Variants in ZDBF2 observed in about 807,000 individuals in gnomAD.
ZDBF2 encodes DBF4-type zinc finger-containing protein 2.
In ZDBF2, 6 loss-of-function variants were observed where a neutral mutation model predicts 9.4. The ratio of observed to expected loss-of-function variants is 0.64; its 90% CI spans 0.35 to 1.27. The LOEUF is 1.27. Among genes scored for constraint, ZDBF2 ranks in the 50% most tolerant of loss-of-function variants. The pLI is 0.03. For missense variants in ZDBF2, 2,697 were observed against 2,766.8 expected, an observed-to-expected ratio of 0.97 and a Z score of 0.57; for synonymous variants, 905 against 946.3, an observed-to-expected ratio of 0.96 and a Z score of 0.80.
Position 206,308,319 on chromosome 2 carries a change from T to C in ZDBF2, c.3791T>C (p.Val1264Ala). Residue 1264 changes from valine to alanine, a missense_variant, in exon 5 of 5, where the codon GTC (valine) becomes GCC (alanine). By Grantham distance (64) the Val-to-Ala change is moderately conservative. Coordinates refer to ENST00000374423, the MANE Select transcript of ZDBF2 (RefSeq NM_020923.3). ...CAACCTGAAGAAGTAGTTAAGGAGG[T>C]CAGTCTTTGGAAAGAGCATGTTGAC... ...AGQPEEVVKE[V>A]SLWKEHVDLE... 1 of 1,613,798 alleles carries C rather than the reference T, an allele frequency of 6.2e-7. No individual in the cohort carries two copies.
intron 3 of ZDBF2, among the ~76,000 whole-genome samples, chr2:206,287,262 C>G (rs1415974660): frequency 6.6e-6 from 1 of 152,188 alleles, no homozygotes; most frequent in African/African-American, 2.4e-5. Flanking sequence ...TGAGCCTGGC[C>G]TAGCGGTGAT....
rs1354314430 is a variant in ZDBF2 at position 206,308,744 on chromosome 2, G to C, written c.4216G>C (p.Gly1406Arg). ...CCTGGAAGATAAGAGCTATAAATTA[G>C]GTGATTTTGATGTAAGTTATGCTTC... Reference protein sequence around the residue: ...IYLEDKSYKLGDFDVSYASHI... With the variant: ...IYLEDKSYKLRDFDVSYASHI... The change falls in exon 5 of 5, where the codon GGT (glycine) becomes CGT (arginine). Residue 1406 changes from glycine (G) to arginine (R), a missense_variant. This residue lies in a region of ZDBF2 where 1,783 missense variants were observed against 1,776.5 expected (regional missense o/e 1.00). Coordinates refer to ENST00000374423, the MANE Select transcript of ZDBF2 (RefSeq NM_020923.3). 2 of 1,613,290 alleles carry C rather than the reference G, an allele frequency of 1.2e-6. No individual in the cohort carries two copies. The highest frequency in any genetic ancestry group is 2.2e-5 in the East Asian group (1 of 44,880).
chr2:206,310,867 A>T lies in ZDBF2; in HGVS notation c.6339A>T (p.Arg2113Ser). 1 of 1,613,922 alleles carries T rather than the reference A, an allele frequency of 6.2e-7. No individual in the cohort carries two copies. Residue 2113 changes from arginine (R) to serine (S), a missense_variant, in exon 5 of 5, where the codon AGA becomes AGT. Arg to Ser is a moderately radical substitution (Grantham distance 110). Coordinates refer to ENST00000374423, the MANE Select transcript of ZDBF2 (RefSeq NM_020923.3). Reference sequence around the variant, plus strand: ...CGCCTTTAATGGCAGTGCCGGCAAGATATGGATTTAATTCACATCAGGGAA... The same window carrying T: ...CGCCTTTAATGGCAGTGCCGGCAAGTTATGGATTTAATTCACATCAGGGAA... ...ASAPLMAVPA[R>S]YGFNSHQGTS...
At chr2:206,275,215 G>C (rs1386267096) in intron 1 of ZDBF2, among the ~76,000 whole-genome samples, 1 of 152,158 alleles carries the variant, frequency 6.6e-6, no homozygotes, top group Non-Finnish European at 1.5e-5. Context: ...TCTGTCCGGG[G>C]CCCTGGGTCA....
Position 206,305,856 on chromosome 2 carries a change from A to G in ZDBF2, c.1328A>G (p.Asn443Ser), listed in dbSNP as rs2105952511. Reference protein sequence around the residue: ...EVRTDVQYKNNKSYVSKISSD... With the variant: ...EVRTDVQYKNSKSYVSKISSD... The stretch of plus-strand genomic sequence containing the variant: ...CGTACTGATGTACAGTATAAGAATA[A>G]TAAATCTTATGTTTCTAAAATAAGT... The change falls in exon 5 of 5, where the codon AAT becomes AGT. Residue 443 changes from asparagine (N) to serine (S), a missense_variant. Physicochemically the swap from Asn to Ser is conservative, Grantham distance 46. This residue lies in a region of ZDBF2 where 910 missense variants were observed against 973.6 expected (regional missense o/e 0.93). Coordinates refer to ENST00000374423, the MANE Select transcript of ZDBF2 (RefSeq NM_020923.3). 3 of 1,613,042 alleles carry G rather than the reference A, an allele frequency of 1.9e-6. No homozygotes were observed. Among genetic ancestry groups the G allele is most frequent in the Non-Finnish European group, 1.7e-6 (2 of 1,179,476 alleles).
chr2:206,307,398 G>A lies in ZDBF2; in HGVS notation c.2870G>A (p.Ser957Asn). 1 of 1,612,934 alleles carries A rather than the reference G, an allele frequency of 6.2e-7. No homozygotes were observed. The highest frequency in any genetic ancestry group is 1.7e-5 in the Admixed American group (1 of 59,838). Residue 957 changes from serine (S) to asparagine (N), a missense_variant, in exon 5 of 5, where the codon AGT (serine) becomes AAT (asparagine). By Grantham distance (46) the Ser-to-Asn change is conservative (BLOSUM62 1). This residue lies in a region of ZDBF2 where 1,783 missense variants were observed against 1,776.5 expected (regional missense o/e 1.00). Coordinates refer to ENST00000374423, the MANE Select transcript of ZDBF2 (RefSeq NM_020923.3). ...GAAAATAAGAGTGTTTTTGAAACAA[G>A]TTTGGATTCTGATGTCCCTCTTCAG... ...YLENKSVFET[S>N]LDSDVPLQAA...
rs148473160 is a variant in ZDBF2, at chr2:206,291,874, T to G, written c.61-5372T>G. ...ATGGGGCCCATATCTAGTGAAGTAT[T>G]TAACAGAAACAATGGAAGCCAAAAG... is the stretch of plus-strand genomic sequence containing the variant. On this transcript the variant is annotated intron_variant, in intron 3 of 4. Transcript: ENST00000374423. Among the ~76,000 whole-genome samples the G allele has an allele frequency of 2.0e-3, 297 of 152,288 alleles. 2 individuals carry two copies. Among genetic ancestry groups the G allele is most frequent in the African/African-American group, 7.0e-3 (291 of 41,552 alleles).
At chr2:206,294,733 G>A (rs545752623) in intron 3 of ZDBF2, among the ~76,000 whole-genome samples, 93 of 152,252 alleles carry the variant, frequency 6.1e-4, no homozygotes, top group African/African-American at 2.1e-3. Context: ...ACTTAAAAGT[G>A]AGAATATGTG....
chr2:206,306,718 T>C lies in ZDBF2; in HGVS notation c.2190T>C (p.Asn730=). The C allele has an allele frequency of 6.2e-7, 1 of 1,613,836 alleles. No individual in the cohort carries two copies. Among genetic ancestry groups the C allele is most frequent in the Non-Finnish European group, 8.5e-7 (1 of 1,179,794 alleles). ...DEPQEALDEV[N]LKELNIDMEV... ...CTCAAGAAGCTTTGGATGAAGTAAA[T>C]CTTAAAGAGTTAAATATTGACATGG... is the stretch of plus-strand genomic sequence containing the variant. The change falls in exon 5 of 5, where the codon AAT becomes AAC. Residue 730 remains asparagine, a synonymous_variant. Transcript: ENST00000374423.
chr2:206,283,108 T>C (rs889348248), intron 3 of ZDBF2, among the ~76,000 whole-genome samples: 31 of 152,268 alleles, frequency 2.0e-4, no homozygotes, highest in African/African-American at 7.5e-4. Flanking sequence ...TGTTTATTCA[T>C]TGAGCAATTT....
In ZDBF2 at chr2:206,311,527, T is replaced by A; in HGVS notation, c.6999T>A (p.Cys2333Ter). 2 of 1,563,826 alleles carry A rather than the reference T, an allele frequency of 1.3e-6. No individual in the cohort carries two copies. Among genetic ancestry groups the A allele is most frequent in the Non-Finnish European group, 1.7e-6 (2 of 1,159,516 alleles). Residue 2333 changes from cysteine to a stop codon, truncating the protein, a stop_gained, in exon 5 of 5, where the codon TGT (cysteine) becomes TGA (stop). Transcript: ENST00000374423. LOFTEE classifies it low-confidence loss of function (END_TRUNC). ...CATATGATCTGAGAAGCTCATCTTG[T>A]TTACAACAACGTGAGAGAATGATGA... ...VRAYDLRSSS[C>*]LQQRERMMTR...
chr2:206,278,779 C>G (rs1691158953), intron 1 of ZDBF2, among the ~76,000 whole-genome samples: 1 of 152,202 alleles, frequency 6.6e-6, no homozygotes, highest in African/African-American at 2.4e-5. Flanking sequence ...CTAGCTAAAA[C>G]TGAACTTTGC....
chr2:206,280,645 ATTT>A (rs1691265850), intron 2 of ZDBF2, among the ~76,000 whole-genome samples: 2 of 152,188 alleles, frequency 1.3e-5, no homozygotes, highest in Non-Finnish European at 2.9e-5. Flanking sequence ...TAATTGATTA[ATTT>A]TCCTCATAAA....
chr2:206,306,187 C>T lies in ZDBF2; in HGVS notation c.1659C>T (p.Pro553=), dbSNP rs1404035627. ...CACTGCAGTCAGTGGTTGACAGACC[C>T]CCAGTGGCTGTCACAGAAACAAAAC... is the stretch of plus-strand genomic sequence containing the variant. ...VFPLQSVVDR[P]PVAVTETKLR... The change falls in exon 5 of 5, where the codon CCC becomes CCT. Residue 553 remains proline, a synonymous_variant. Transcript: ENST00000374423. 1 of 1,613,540 alleles carries T rather than the reference C, an allele frequency of 6.2e-7. No individual in the cohort carries two copies. The highest frequency in any genetic ancestry group is 1.3e-5 in the African/African-American group (1 of 74,928).
At chr2:206,297,804 C>T (rs769822520) in intron 4 of ZDBF2, among the ~76,000 whole-genome samples, 3 of 152,030 alleles carry the variant, frequency 2.0e-5, no homozygotes, top group Non-Finnish European at 4.4e-5. Flanking sequence ...CTCAGCCTCC[C>T]GAGTAGCTGG....
chr2:206,282,385 G>C (rs546386039), intron 3 of ZDBF2, among the ~76,000 whole-genome samples: 10 of 152,260 alleles, frequency 6.6e-5, no homozygotes, highest in Non-Finnish European at 1.2e-4. Flanking sequence ...ATGGATGTGG[G>C]GAGGTGGGTG....
chr2:206,287,153 C>G (rs73983010), intron 3 of ZDBF2, among the ~76,000 whole-genome samples: 1 of 152,136 alleles, frequency 6.6e-6, no homozygotes, highest in Admixed American at 6.6e-5. Context: ...CTTTGCATGT[C>G]TGTTCTACCA....
In ZDBF2 at chr2:206,307,539, C is replaced by A; in HGVS notation, c.3011C>A (p.Ser1004Tyr). The change falls in exon 5 of 5, where the codon TCT (serine) becomes TAT (tyrosine). Residue 1004 changes from serine to tyrosine, a missense_variant. Transcript: ENST00000374423. ...AGTGGTTCAAAAACAAGTTTAGATT[C>A]TGGTGTCCCTCATTATTCAGTAACT... is the stretch of plus-strand genomic sequence containing the variant. The part of the protein sequence containing the change: ...EFSGSKTSLD[S>Y]GVPHYSVTEP... The A allele has an allele frequency of 6.2e-7, 1 of 1,613,766 alleles. No individual in the cohort carries two copies. Among genetic ancestry groups the A allele is most frequent in the Admixed American group, 1.7e-5 (1 of 59,992 alleles).
rs374644741 is a variant in ZDBF2 at position 206,281,915 on chromosome 2, C to T, written c.60+6C>T. ...AGTATAATAACCTGGAACAGGTGAG[C>T]GGTTTCTATTAATATGATAATATCT... On this transcript the variant is annotated splice_donor_region_variant and intron_variant, in intron 3 of 4. Transcript: ENST00000374423. 1.7e-5 allele frequency: 28 copies of T among 1,610,350 alleles called. No individual in the cohort carries two copies. Among genetic ancestry groups the T allele is most frequent in the African/African-American group, 5.3e-5 (4 of 74,820 alleles).
Sources: gnomAD v4.1 joint callset for allele counts (sites outside exome capture counted in the v4.1 genomes callset) on GRCh38, gnomAD v4.1.1 for gene constraint, gnomAD v4.1.1 regional missense constraint, MANE v1.5 for transcripts, NCBI Gene and HGNC (gene_info 2026-07-23, HGNC 2026-07-21) for gene names.